The following OLFM3 variants were observed in gnomAD, a reference collection of about 807,000 sequenced individuals.
The protein encoded by OLFM3 is noelin-3.
Under a neutral mutation model 48.6 loss-of-function variants are expected in OLFM3, and 20 were observed. The ratio of observed to expected loss-of-function variants is 0.41; its 90% CI spans 0.29 to 0.60. The LOEUF (loss-of-function observed/expected upper bound fraction) is 0.60. Among genes scored for constraint, OLFM3 ranks in the 20% least tolerant of loss-of-function variants. The pLI is 0.28. For synonymous variants in OLFM3, 222 were observed against 198.1 expected (o/e 1.12, Z -1.01); for missense variants, 437 against 544.3 (o/e 0.80, Z 1.96).
intron 1 of OLFM3, among the ~76,000 whole-genome samples, chr1:101,859,203 G>A (rs567719565): frequency 6.6e-6 from 1 of 152,084 alleles, no homozygotes; most frequent in Non-Finnish European, 1.5e-5. Context: ...CCAAAGAGAA[G>A]ATTAAACATT....
intron 2 of OLFM3, among the ~76,000 whole-genome samples, chr1:101,834,959 T>A (rs965355877): frequency 6.6e-6 from 1 of 152,204 alleles, no homozygotes; most frequent in African/African-American, 2.4e-5. Context: ...GTAAAGGGAA[T>A]TATCCACTTT....
intron 2 of OLFM3, 143 bp from the exon 3 acceptor site, chr1:101,830,970 A>G (rs948439393): frequency 1.5e-6 from 1 of 649,072 alleles, no homozygotes; most frequent in Non-Finnish European, 2.6e-6. Flanking sequence ...TTTTCAGAAG[A>G]ACAATTCTTC....
intron 1 of OLFM3, among the ~76,000 whole-genome samples, chr1:101,864,352 C>T (rs951706323): frequency 1.3e-5 from 2 of 152,232 alleles, no homozygotes; most frequent in African/African-American, 4.8e-5. Context: ...CATGTGTTGC[C>T]TGTGTTACTC....
At chr1:101,878,900 C>T (rs989307169) in intron 1 of OLFM3, among the ~76,000 whole-genome samples, 4 of 151,906 alleles carry the variant, frequency 2.6e-5, no homozygotes, top group African/African-American at 7.2e-5. Context: ...TCACAGACTA[C>T]AACCAGTAAT....
At chr1:101,848,592 C>T (rs1457396079) in intron 1 of OLFM3, among the ~76,000 whole-genome samples, 1 of 151,458 alleles carries the variant, frequency 6.6e-6, no homozygotes. Flanking sequence ...AATATTATTA[C>T]TTTTCTATTC....
chr1:101,835,485 T>G (rs1432453272), intron 2 of OLFM3, among the ~76,000 whole-genome samples: 1 of 152,202 alleles, frequency 6.6e-6, no homozygotes, highest in Non-Finnish European at 1.5e-5. Flanking sequence ...CAGTTAATTT[T>G]GGATTTTTAG....
In OLFM3 at chr1:101,923,475, T is replaced by A. The variant is rs570376492; in HGVS notation, c.69+73273A>T. On this transcript the variant is annotated intron_variant, in intron 1 of 5. Coordinates refer to ENST00000370103, the MANE Select transcript of OLFM3 (RefSeq NM_058170.4). ...ATTCTGAGCAACCTGAAAATAGGGATGTCTCAAGTTATATTCTTAGCTTCA... is the reference window on the plus strand; with the variant it reads ...ATTCTGAGCAACCTGAAAATAGGGAAGTCTCAAGTTATATTCTTAGCTTCA... Among the ~76,000 whole-genome samples, 2 of 152,322 alleles carry A rather than the reference T, an allele frequency of 1.3e-5. 1 individual carries two copies. Among genetic ancestry groups the A allele is most frequent in the South Asian group, 4.1e-4 (2 of 4,832 alleles).
At position 101,882,069 on chromosome 1, in the gene OLFM3, A is replaced by C. The variant is rs917498223; in HGVS notation, c.70-45044T>G. ...ATCTAATCTTATTAGAAAAGAAAAAAAAGAAAATTTAGTCATGAAATACAC... is the reference window on the plus strand; with the variant it reads ...ATCTAATCTTATTAGAAAAGAAAAACAAGAAAATTTAGTCATGAAATACAC... On this transcript the variant is annotated intron_variant, in intron 1 of 5. Transcript: ENST00000370103. Among the ~76,000 whole-genome samples the C allele has an allele frequency of 1.6e-4, 24 of 151,340 alleles. 1 individual carries two copies. Among genetic ancestry groups the C allele is most frequent in the Admixed American group, 1.3e-3 (20 of 15,086 alleles).
intron 4 of OLFM3, chr1:101,812,490 A>T: frequency 8.1e-6 from 8 of 985,410 alleles, no homozygotes; most frequent in Non-Finnish European, 9.6e-6. Context: ...TGCATATTTC[A>T]GATGTTGAGG....
At chr1:101,891,455 C>A (rs938029384) in intron 1 of OLFM3, among the ~76,000 whole-genome samples, 1 of 151,702 alleles carries the variant, frequency 6.6e-6, no homozygotes, top group Non-Finnish European at 1.5e-5. Flanking sequence ...AAAAATAAAA[C>A]GTAAGCACTA....
chr1:101,957,529 C>T (rs945362000), intron 1 of OLFM3, among the ~76,000 whole-genome samples: 36 of 152,012 alleles, frequency 2.4e-4, no homozygotes, highest in African/African-American at 8.7e-4. Context: ...TAAAACATCA[C>T]CTAAAAATCT....
chr1:101,859,371 G>A (rs1347620165), intron 1 of OLFM3, among the ~76,000 whole-genome samples: 1 of 152,028 alleles, frequency 6.6e-6, no homozygotes, highest in Non-Finnish European at 1.5e-5. Flanking sequence ...GGCCATTTCA[G>A]CGTCAGCATA....
At chr1:101,916,495 GC>G (rs1658931598) in intron 1 of OLFM3, among the ~76,000 whole-genome samples, 2 of 151,900 alleles carry the variant, frequency 1.3e-5, no homozygotes. Flanking sequence ...CAGCATTCTG[GC>G]TGGCTGAATT....
intron 4 of OLFM3, among the ~76,000 whole-genome samples, chr1:101,807,520 A>G (rs901266119): frequency 1.3e-5 from 2 of 151,776 alleles, no homozygotes; most frequent in African/African-American, 4.8e-5. Flanking sequence ...CAAACTAACT[A>G]TAACTTGAAG....
chr1:101,978,335 G>C (rs1661010632), intron 1 of OLFM3, among the ~76,000 whole-genome samples: 1 of 151,938 alleles, frequency 6.6e-6, no homozygotes. Context: ...ATACGGAAAA[G>C]AAAAGGTATG....
intron 4 of OLFM3, among the ~76,000 whole-genome samples, chr1:101,810,337 G>GA (rs1050428955): frequency 5.3e-5 from 8 of 151,542 alleles, no homozygotes; most frequent in African/African-American, 1.9e-4. Context: ...AATAATTGAA[G>GA]AAAAAAAGCA....
chr1:101,834,137 T>C (rs1359637669), intron 2 of OLFM3, among the ~76,000 whole-genome samples: 1 of 152,184 alleles, frequency 6.6e-6, no homozygotes, highest in African/African-American at 2.4e-5. Context: ...AAACAGAGCA[T>C]CACTTAAATA....
intron 1 of OLFM3, among the ~76,000 whole-genome samples, chr1:101,891,837 G>A (rs901510325): frequency 1.3e-5 from 2 of 151,886 alleles, no homozygotes; most frequent in African/African-American, 4.8e-5. Context: ...ATCATAAAAT[G>A]TAGTTATATT....
chr1:101,826,203 A>G (rs1413106816), intron 3 of OLFM3, among the ~76,000 whole-genome samples: 1 of 150,302 alleles, frequency 6.7e-6, no homozygotes, highest in Non-Finnish European at 1.5e-5. Context: ...AGTATCCCTC[A>G]CCCCTAGCCG....
Sources: gnomAD v4.1 joint callset for allele counts (sites outside exome capture counted in the v4.1 genomes callset) on GRCh38, gnomAD v4.1.1 for gene constraint, MANE v1.5 for transcripts, NCBI Gene and HGNC (gene_info 2026-07-23, HGNC 2026-07-21) for gene names.